Variants in TMEM150C observed in about 807,000 individuals in gnomAD.
TMEM150C encodes the protein tentonin 3.
A neutral mutation model predicts 29.9 loss-of-function variants in TMEM150C; 10 were observed. That is an observed-to-expected ratio of 0.33 (90% CI 0.21 to 0.57). The LOEUF (loss-of-function observed/expected upper bound fraction) is 0.57. Ranked by LOEUF, TMEM150C falls within the 20% of genes least tolerant of loss-of-function variation. The pLI is 0.88. For missense variants in TMEM150C, 251 were observed against 303.6 expected (o/e 0.83, Z 1.29); for synonymous variants, 101 against 112.5 (o/e 0.90, Z 0.64).
intron 6 of TMEM150C, among the ~76,000 whole-genome samples, chr4:82,492,331 T>C (rs952135281): frequency 1.3e-5 from 2 of 150,890 alleles, no homozygotes; most frequent in Non-Finnish European, 3.0e-5. Flanking sequence ...TTTCACCATG[T>C]TGACCAGGCT....
At chr4:82,534,541 A>G (rs1316683520) in intron 1 of TMEM150C, among the ~76,000 whole-genome samples, 1 of 152,250 alleles carries the variant, frequency 6.6e-6, no homozygotes, top group Non-Finnish European at 1.5e-5. Context: ...ATGGAGAGAC[A>G]GTAAAGAGTT....
chr4:82,491,753 C>T (rs756961385), intron 6 of TMEM150C: 12 of 335,440 alleles, frequency 3.6e-5, no homozygotes, highest in Non-Finnish European at 5.4e-5. Flanking sequence ...CCTCCCGCCT[C>T]GGCCTCCCAA....
Position 82,500,208 on chromosome 4 carries a change from A to G in TMEM150C, c.235+2519T>C, listed in dbSNP as rs199543458. ...AAAATATCTTTGCTAATTTTAATACATGCTACACTGACTCATTTTTAGATT... is the reference window on the plus strand; with the variant it reads ...AAAATATCTTTGCTAATTTTAATACGTGCTACACTGACTCATTTTTAGATT... On this transcript the variant is annotated intron_variant, in intron 5 of 7. Coordinates refer to ENST00000449862, the MANE Select transcript of TMEM150C (RefSeq NM_001080506.3). 3.9e-5 allele frequency among the ~76,000 whole-genome samples: 6 copies of G among 152,252 alleles called. No homozygotes were observed. In the East Asian group the frequency reaches 1.2e-3, roughly 29 times the overall value.
intron 1 of TMEM150C, among the ~76,000 whole-genome samples, chr4:82,525,149 G>A (rs548045965): frequency 6.6e-6 from 1 of 152,210 alleles, no homozygotes; most frequent in Admixed American, 6.5e-5. Flanking sequence ...AAACGCAGCT[G>A]AGACAGGGCC....
chr4:82,548,605 T>C (rs1725460681), intron 1 of TMEM150C, among the ~76,000 whole-genome samples: 1 of 152,098 alleles, frequency 6.6e-6, no homozygotes, highest in Non-Finnish European at 1.5e-5. Flanking sequence ...CTGTGCTAGA[T>C]GGAGTGAATA....
In TMEM150C at chr4:82,485,692, T is replaced by C; in HGVS notation, c.569A>G (p.His190Arg). The C allele has an allele frequency of 6.2e-7, 1 of 1,608,196 alleles. No homozygotes were observed. The highest frequency in any genetic ancestry group is 1.1e-5 in the South Asian group (1 of 89,610). Residue 190 changes from histidine (H) to arginine (R), a missense_variant, in exon 8 of 8, where the codon CAC (histidine) becomes CGC (arginine). His to Arg is a conservative substitution (Grantham distance 29). Transcript: ENST00000449862. Reference sequence around the variant, plus strand: ...CCACTGGACCCTGGCTGCATACATGTGGATGCTTTGGGCCATGAGGATGAA... The same window carrying C: ...CCACTGGACCCTGGCTGCATACATGCGGATGCTTTGGGCCATGAGGATGAA... ...LYFILMAQSI[H>R]MYAARVQWGL...
In TMEM150C at chr4:82,504,666, C is replaced by T; in HGVS notation, c.-9G>A. On this transcript the variant is annotated splice_region_variant and 5_prime_UTR_variant, in exon 2 of 8. Coordinates refer to ENST00000449862, the MANE Select transcript of TMEM150C (RefSeq NM_001080506.3). ...CATTTCTTCCCATCCATGCCTGTACCACTGAAATAAAATAAACACGTATTA... is the reference window on the plus strand; with the variant it reads ...CATTTCTTCCCATCCATGCCTGTACTACTGAAATAAAATAAACACGTATTA... 3 of 1,610,472 alleles carry T rather than the reference C, an allele frequency of 1.9e-6. No homozygotes were observed. Among genetic ancestry groups the T allele is most frequent in the Admixed American group, 1.7e-5 (1 of 59,884 alleles).
At chr4:82,530,600 C>T (rs772010712) in intron 1 of TMEM150C, among the ~76,000 whole-genome samples, 2 of 152,152 alleles carry the variant, frequency 1.3e-5, no homozygotes, top group Non-Finnish European at 1.5e-5. Flanking sequence ...CTGTTCCACA[C>T]TGAAGGCCTA....
At chr4:82,536,273 G>T (rs922308237) in intron 1 of TMEM150C, among the ~76,000 whole-genome samples, 1 of 148,950 alleles carries the variant, frequency 6.7e-6, no homozygotes. Context: ...CAGGAGAATC[G>T]CTTGAACCCG....
Position 82,485,442 on chromosome 4 carries a change from TGTGA to T in TMEM150C, c.*65_*68del. On this transcript the variant is annotated 3_prime_UTR_variant, in exon 8 of 8. Coordinates refer to ENST00000449862, the MANE Select transcript of TMEM150C (RefSeq NM_001080506.3). The stretch of plus-strand genomic sequence containing the variant: ...TGAAATGAGGTTCTATGTCAAGTCC[TGTGA>T]GTGTGTCCTACTGGCCCCTCCCCCA... The T allele has an allele frequency of 3.4e-6, 4 of 1,189,412 alleles. No individual in the cohort carries two copies. Among genetic ancestry groups the T allele is most frequent in the Non-Finnish European group, 4.9e-6 (4 of 822,922 alleles). The allele number at this position is 1,189,412 out of a possible 1,614,324, so 73.7% of individuals were successfully genotyped here. A position where few individuals can be genotyped will look rare whatever the true frequency, so the allele number is the denominator to read the frequency against.
chr4:82,559,550 G>A (rs553554507), intron 1 of TMEM150C, among the ~76,000 whole-genome samples: 6 of 152,120 alleles, frequency 3.9e-5, no homozygotes, highest in African/African-American at 7.2e-5. Flanking sequence ...GTGAGACTCC[G>A]CCTCAAAAAC....
At chr4:82,543,380 A>C (rs996519226) in intron 1 of TMEM150C, among the ~76,000 whole-genome samples, 1 of 152,206 alleles carries the variant, frequency 6.6e-6, no homozygotes, top group African/African-American at 2.4e-5. Context: ...GAAAAATGGA[A>C]ACCTAAGCTA....
At position 82,561,985 on chromosome 4, in the gene TMEM150C, G is replaced by A; in HGVS notation, c.-90C>T. ...TGGCGGCGGCGGCAGCAGTAGCGGC[G>A]GGTAGGGCGCTTCCTTCAGGAAGGG... On this transcript the variant is annotated 5_prime_UTR_variant, in exon 1 of 8. Coordinates refer to ENST00000449862, the MANE Select transcript of TMEM150C (RefSeq NM_001080506.3). 1 of 1,110,524 alleles carries A rather than the reference G, an allele frequency of 9.0e-7. No individual in the cohort carries two copies. Among genetic ancestry groups the A allele is most frequent in the Non-Finnish European group, 1.1e-6 (1 of 902,884 alleles). The allele number at this position is 1,110,524 out of a possible 1,614,324, so 68.8% of individuals were successfully genotyped here.
intron 1 of TMEM150C, among the ~76,000 whole-genome samples, chr4:82,549,928 AC>A (rs1438667351): frequency 6.6e-6 from 1 of 152,132 alleles, no homozygotes; most frequent in African/African-American, 2.4e-5. Context: ...TAGAGCAAAA[AC>A]CCTGGACCCA....
intron 7 of TMEM150C, among the ~76,000 whole-genome samples, chr4:82,486,830 A>G (rs1047579677): frequency 6.6e-6 from 1 of 152,110 alleles, no homozygotes; most frequent in Middle Eastern, 3.2e-3. Context: ...GTGTATCTGT[A>G]TCTGTATATA....
chr4:82,512,169 T>A (rs1175227796), intron 1 of TMEM150C, among the ~76,000 whole-genome samples: 1 of 152,206 alleles, frequency 6.6e-6, no homozygotes, highest in African/African-American at 2.4e-5. Flanking sequence ...GATTGTTTCT[T>A]TTCTGCCCAC....
chr4:82,507,724 TCTC>T (rs145613491), intron 1 of TMEM150C, among the ~76,000 whole-genome samples: 5,441 of 49,608 alleles, frequency 0.11, 529 homozygotes, highest in African/African-American at 0.27. Flanking sequence ...TCTCTCTCTC[TCTC>T]TTTTTTTTTT....
intron 1 of TMEM150C, among the ~76,000 whole-genome samples, chr4:82,521,819 G>C (rs749545997): frequency 1.3e-5 from 2 of 152,206 alleles, no homozygotes; most frequent in Non-Finnish European, 2.9e-5. Flanking sequence ...GAACGCTCAG[G>C]AGGGGGACTG....
In TMEM150C at chr4:82,496,658, G is replaced by A. The variant is rs568718121; in HGVS notation, c.236-463C>T. On this transcript the variant is annotated intron_variant, in intron 5 of 7. Transcript: ENST00000449862. ...GACAGACCGACTCAGGCATCCTTTA[G>A]CTTAGAACAGTGTGGAAAATAATGA... is the stretch of plus-strand genomic sequence containing the variant. 3.9e-5 allele frequency among the ~76,000 whole-genome samples: 6 copies of A among 152,340 alleles called. No homozygotes were observed. In the South Asian group the frequency reaches 8.3e-4, roughly 21 times the overall value.
Sources: allele counts gnomAD v4.1 joint callset (sites outside exome capture counted in the v4.1 genomes callset), GRCh38; gene constraint gnomAD v4.1.1; transcripts MANE v1.5; gene names NCBI Gene and HGNC (gene_info 2026-07-23, HGNC 2026-07-21).